CNBD1: variants seen among roughly 807,000 people sequenced by gnomAD.
CNBD1 encodes cyclic nucleotide-binding domain-containing protein 1.
CNBD1 carries 71 observed loss-of-function variants against 54.4 expected under a neutral mutation model. The observed-to-expected ratio is 1.30, with a 90% CI of 1.08 to 1.59. The LOEUF is 1.59. Among genes scored for constraint, CNBD1 ranks in the 40% most tolerant of loss-of-function variants. CNBD1 has a pLI of 0.00. For synonymous variants in CNBD1, 182 were observed against 170.7 expected (o/e 1.07, Z -0.51); for missense variants, 659 against 518.0 (o/e 1.27, Z -2.64).
At chr8:87,203,550 G>A (rs956647384) in intron 4 of CNBD1, among the ~76,000 whole-genome samples, 3 of 152,134 alleles carry the variant, frequency 2.0e-5, no homozygotes, top group South Asian at 2.1e-4. Flanking sequence ...AGAGATAGAA[G>A]GAACCCATTT....
chr8:86,874,989 TATATATA>T (rs1563806940), intron 1 of CNBD1, among the ~76,000 whole-genome samples: 2 of 15,720 alleles, frequency 1.3e-4, no homozygotes, highest in African/African-American at 3.2e-4. Flanking sequence ...AATCAATTTA[TATATATA>T]TATATATATA....
intron 6 of CNBD1, among the ~76,000 whole-genome samples, chr8:87,279,856 A>C (rs1261514229): frequency 6.6e-6 from 1 of 151,044 alleles, no homozygotes; most frequent in Non-Finnish European, 1.5e-5. Context: ...TATGAGGGAC[A>C]TAATAGGAAG....
intron 6 of CNBD1, among the ~76,000 whole-genome samples, chr8:87,256,639 A>G (rs940908784): frequency 2.0e-5 from 3 of 151,818 alleles, no homozygotes; most frequent in Admixed American, 2.0e-4. Flanking sequence ...CTCTCTCCCC[A>G]TATCTAAAGA....
intron 8 of CNBD1, among the ~76,000 whole-genome samples, chr8:87,300,321 A>C (rs917638249): frequency 2.6e-5 from 4 of 152,174 alleles, no homozygotes; most frequent in Non-Finnish European, 4.4e-5. Context: ...ATGACAATGA[A>C]TTATATCTCG....
chr8:87,334,754 C>G (rs532365426), intron 8 of CNBD1, among the ~76,000 whole-genome samples: 10 of 143,050 alleles, frequency 7.0e-5, no homozygotes, highest in African/African-American at 2.4e-4. Context: ...GAGTCTCGCT[C>G]TGTTGCCAGG....
intron 8 of CNBD1, among the ~76,000 whole-genome samples, chr8:87,335,697 T>C (rs939486996): frequency 1.3e-5 from 2 of 152,142 alleles, no homozygotes; most frequent in Non-Finnish European, 2.9e-5. Context: ...CCATTTAGCT[T>C]ATTTACATTT....
At chr8:87,131,328 T>C (rs1018833228) in intron 4 of CNBD1, among the ~76,000 whole-genome samples, 4 of 152,116 alleles carry the variant, frequency 2.6e-5, no homozygotes, top group Non-Finnish European at 4.4e-5. Flanking sequence ...ATCTATTTGC[T>C]TTAAAATTAT....
chr8:87,295,138 T>C (rs1808856471), intron 8 of CNBD1, among the ~76,000 whole-genome samples: 1 of 151,878 alleles, frequency 6.6e-6, no homozygotes, highest in East Asian at 1.9e-4. Flanking sequence ...GCTTCTAATA[T>C]TATTACCAGA....
intron 4 of CNBD1, among the ~76,000 whole-genome samples, chr8:86,965,282 C>G (rs1252737000): frequency 6.6e-6 from 1 of 152,158 alleles, no homozygotes; most frequent in Non-Finnish European, 1.5e-5. Context: ...CCCTAATGGG[C>G]AGTCAGGGAT....
intron 6 of CNBD1, among the ~76,000 whole-genome samples, chr8:87,250,090 T>A (rs1166981819): frequency 1.3e-5 from 2 of 152,276 alleles, no homozygotes; most frequent in Non-Finnish European, 2.9e-5. Flanking sequence ...AAGGGATTAA[T>A]AACCAGAATT....
chr8:87,121,091 G>T (rs1811880098), intron 4 of CNBD1, among the ~76,000 whole-genome samples: 1 of 151,712 alleles, frequency 6.6e-6, no homozygotes, highest in Admixed American at 6.6e-5. Flanking sequence ...GAGTTATTCA[G>T]ATTTTTTATT....
At chr8:87,034,967 G>T (rs990532274) in intron 4 of CNBD1, among the ~76,000 whole-genome samples, 3 of 151,962 alleles carry the variant, frequency 2.0e-5, no homozygotes, top group African/African-American at 7.2e-5. Flanking sequence ...AATTTATGCG[G>T]ATTTTTTAGT....
At chr8:87,401,179 G>T (rs1807557268) in intron 2 of CNBD1, among the ~76,000 whole-genome samples, 1 of 151,954 alleles carries the variant, frequency 6.6e-6, no homozygotes, top group African/African-American at 2.4e-5. Flanking sequence ...TAAACCCAAA[G>T]CAAATATATT....
In CNBD1 at chr8:87,197,399, C is replaced by T. The variant is rs376360309; in HGVS notation, c.432-8594C>T. Among the ~76,000 whole-genome samples the T allele has an allele frequency of 3.9e-5, 6 of 152,264 alleles. No individual in the cohort carries two copies. In the East Asian group the frequency reaches 5.8e-4, roughly 15 times the overall value. On this transcript the variant is annotated intron_variant, in intron 4 of 10. Coordinates refer to ENST00000518476, the MANE Select transcript of CNBD1 (RefSeq NM_173538.3). Reference sequence around the variant, plus strand: ...TTTATCCTCCCAAGGATGATACACACAGGGGTGTATGTTAGACTCAAGAGG... The same window carrying T: ...TTTATCCTCCCAAGGATGATACACATAGGGGTGTATGTTAGACTCAAGAGG...
intron 4 of CNBD1, among the ~76,000 whole-genome samples, chr8:86,950,757 G>A (rs759729201): frequency 5.9e-5 from 9 of 152,148 alleles, no homozygotes; most frequent in Non-Finnish European, 1.2e-4. Context: ...ATTCAGCAGT[G>A]AAGTCAGGTC....
rs548004923 is a variant in CNBD1, at chr8:87,319,398, C to A, written c.1043-32287C>A. 5.9e-5 allele frequency among the ~76,000 whole-genome samples: 9 copies of A among 152,192 alleles called. No individual in the cohort carries two copies. In the South Asian group the frequency reaches 1.0e-3, roughly 18 times the overall value. On this transcript the variant is annotated intron_variant, in intron 8 of 10. Coordinates refer to ENST00000518476, the MANE Select transcript of CNBD1 (RefSeq NM_173538.3). Reference sequence around the variant, plus strand: ...TTGCCTATAGCAGTAATAAAACCAACAGGTAATGAATACAATTCTCTTCTC... The same window carrying A: ...TTGCCTATAGCAGTAATAAAACCAAAAGGTAATGAATACAATTCTCTTCTC...
In CNBD1 at chr8:87,343,517, G is replaced by A. The variant is rs534492015; in HGVS notation, c.1043-8168G>A. Among the ~76,000 whole-genome samples, 8 of 152,154 alleles carry A rather than the reference G, an allele frequency of 5.3e-5. No individual in the cohort carries two copies. The South Asian group carries it at 6.2e-4, about 12-fold the overall frequency. On this transcript the variant is annotated intron_variant, in intron 8 of 10. Coordinates refer to ENST00000518476, the MANE Select transcript of CNBD1 (RefSeq NM_173538.3). ...CTCCATTCGGGGTCCCTGACTTCCC[G>A]CAACAAAAAACAGATTATAAAACAT...
intron 2 of CNBD1, among the ~76,000 whole-genome samples, chr8:87,421,269 ATTTC>A (rs1329137525): frequency 2.0e-5 from 3 of 149,284 alleles, no homozygotes; most frequent in African/African-American, 7.4e-5. Context: ...TTTTTTATTT[ATTTC>A]TTTATTTTTT....
At chr8:87,073,563 G>A (rs1019808413) in intron 4 of CNBD1, among the ~76,000 whole-genome samples, 1 of 152,032 alleles carries the variant, frequency 6.6e-6, no homozygotes, top group Non-Finnish European at 1.5e-5. Context: ...TGTTCCATAG[G>A]GCTGCTGCTG....
Sources: allele counts gnomAD v4.1 joint callset (sites outside exome capture counted in the v4.1 genomes callset), GRCh38; gene constraint gnomAD v4.1.1; transcripts MANE v1.5; gene names NCBI Gene and HGNC (gene_info 2026-07-23, HGNC 2026-07-21).